PLXNC1: variants seen among roughly 807,000 people sequenced by gnomAD.
PLXNC1 encodes plexin C1, also known as plexin-C1.
A neutral mutation model predicts 178.2 loss-of-function variants in PLXNC1; 75 were observed. The ratio of observed to expected loss-of-function variants is 0.42; its 90% CI spans 0.35 to 0.51. PLXNC1 has a LOEUF of 0.51. PLXNC1 is among the 20% of genes least tolerant of loss of function. The pLI is 0.02. For synonymous variants in PLXNC1, 790 were observed against 779.9 expected (o/e 1.01, Z -0.22); for missense variants, 1,503 against 1,984.4 (o/e 0.76, Z 4.61).
intron 6 of PLXNC1, among the ~76,000 whole-genome samples, chr12:94,221,758 A>G (rs1963802208): frequency 6.6e-6 from 1 of 152,162 alleles, no homozygotes; most frequent in Admixed American, 6.5e-5. Context: ...GACTTCGCAG[A>G]TGGTGCCTTG....
chr12:94,206,252 G>A (rs1377444027), intron 4 of PLXNC1, among the ~76,000 whole-genome samples: 1 of 151,522 alleles, frequency 6.6e-6, no homozygotes, highest in Non-Finnish European at 1.5e-5. Flanking sequence ...GAGTAGGTTT[G>A]GAACTTTTTT....
chr12:94,244,210 A>G (rs546840837), intron 12 of PLXNC1, among the ~76,000 whole-genome samples, 185 bp downstream of exon 12: 1 of 152,316 alleles, frequency 6.6e-6, no homozygotes, highest in Non-Finnish European at 1.5e-5. Flanking sequence ...GTAGCTGAGT[A>G]TTTCTAGTTG....
intron 4 of PLXNC1, among the ~76,000 whole-genome samples, chr12:94,191,214 TG>T: frequency 6.6e-6 from 1 of 152,320 alleles, no homozygotes; most frequent in East Asian, 1.9e-4. Context: ...TCAGACAGCC[TG>T]GGTTCTGGCC....
chr12:94,264,641 C>T (rs1027668372), intron 20 of PLXNC1, among the ~76,000 whole-genome samples: 1 of 152,186 alleles, frequency 6.6e-6, no homozygotes, highest in Non-Finnish European at 1.5e-5. Flanking sequence ...TTACATTTAT[C>T]CTTGTTACTA....
At chr12:94,289,678 T>C (rs1592956844) in intron 23 of PLXNC1, among the ~76,000 whole-genome samples, 1 of 152,310 alleles carries the variant, frequency 6.6e-6, no homozygotes, top group Non-Finnish European at 1.5e-5. Flanking sequence ...TTTCTGTCCT[T>C]ACCTCAGCAG....
chr12:94,202,003 A>G (rs1246714549), intron 4 of PLXNC1, among the ~76,000 whole-genome samples: 2 of 151,758 alleles, frequency 1.3e-5, no homozygotes, highest in African/African-American at 2.4e-5. Flanking sequence ...CCTGGCCTCA[A>G]GTGATCTGGC....
chr12:94,293,407 G>C (rs747608178), intron 23 of PLXNC1, among the ~76,000 whole-genome samples: 1 of 152,198 alleles, frequency 6.6e-6, no homozygotes, highest in African/African-American at 2.4e-5. Context: ...TAATAGAGTA[G>C]TGTCATAGTC....
intron 17 of PLXNC1, 107 bp from the exon 18 acceptor site, chr12:94,259,230 C>A: frequency 1.3e-6 from 1 of 785,334 alleles, no homozygotes; most frequent in Non-Finnish European, 2.1e-6. Flanking sequence ...TTCAGATTAG[C>A]AAATAGTGTC....
chr12:94,222,034 T>C (rs73364695), intron 6 of PLXNC1, among the ~76,000 whole-genome samples: 2,779 of 152,298 alleles, frequency 0.018, 83 homozygotes, highest in African/African-American at 0.063. Context: ...TTAAAAATGC[T>C]CTCAGCCACT....
Position 94,305,249 on chromosome 12 carries a change from CTTATT to C in PLXNC1, c.4673_4677del (p.Leu1558Ter), listed in dbSNP as rs1565878784. The C allele has an allele frequency of 1.2e-6, 2 of 1,611,034 alleles. No individual in the cohort carries two copies. Among genetic ancestry groups the C allele is most frequent in the Non-Finnish European group, 1.7e-6 (2 of 1,177,976 alleles). ...AGAAACAACTCTTGCATGTAAAAGT[CTTATT>C]TGATGAAAAGAAGAAATGCAAGTGG... is the stretch of plus-strand genomic sequence containing the variant. On this transcript the variant is annotated frameshift_variant, in exon 31 of 31. Transcript: ENST00000258526. LOFTEE classifies it high-confidence loss of function.
At chr12:94,266,112 G>A (rs1278657621) in intron 21 of PLXNC1, among the ~76,000 whole-genome samples, 1 of 152,230 alleles carries the variant, frequency 6.6e-6, no homozygotes, top group Non-Finnish European at 1.5e-5. Flanking sequence ...TAAGAGAGCT[G>A]AGTCTTCTGT....
chr12:94,204,624 A>G lies in PLXNC1; in HGVS notation c.1440-4966A>G, dbSNP rs146581635. On this transcript the variant is annotated intron_variant, in intron 4 of 30. Coordinates refer to ENST00000258526, the MANE Select transcript of PLXNC1 (RefSeq NM_005761.3). The stretch of plus-strand genomic sequence containing the variant: ...AAGTTTAGTTTGTCACAGACTTCCT[A>G]TTCTCGTCCATTCAGTAGACTTTGG... 4.8e-3 allele frequency among the ~76,000 whole-genome samples: 735 copies of G among 152,278 alleles called. 5 individuals carry two copies. The highest frequency in any genetic ancestry group is 0.016 in the African/African-American group (673 of 41,558).
intron 23 of PLXNC1, among the ~76,000 whole-genome samples, chr12:94,284,008 G>A (rs1184643234): frequency 5.9e-5 from 9 of 151,690 alleles, no homozygotes; most frequent in East Asian, 1.9e-4. Context: ...GCTTGAACCC[G>A]GGAGGCGGAG....
chr12:94,283,842 G>A (rs909315973), intron 23 of PLXNC1, among the ~76,000 whole-genome samples: 1 of 152,196 alleles, frequency 6.6e-6, no homozygotes, highest in Non-Finnish European at 1.5e-5. Flanking sequence ...CCAGCACTTC[G>A]GGAGGCTGAG....
Position 94,279,577 on chromosome 12 carries a change from G to A in PLXNC1, c.3703G>A (p.Glu1235Lys). The change falls in exon 22 of 31, where the codon GAA (glutamate) becomes AAA (lysine). Residue 1235 changes from glutamate to lysine, a missense_variant. Coordinates refer to ENST00000258526, the MANE Select transcript of PLXNC1 (RefSeq NM_005761.3). ...CTGTGACACCATTGGCCAAGCCAAAGAAAAGATTTTCCAAGCATTCTTAAG... is the reference window on the plus strand; with the variant it reads ...CTGTGACACCATTGGCCAAGCCAAAAAAAAGATTTTCCAAGCATTCTTAAG... ...LDCDTIGQAK[E>K]KIFQAFLSKN... The A allele has an allele frequency of 1.9e-6, 3 of 1,614,214 alleles. No individual in the cohort carries two copies. The highest frequency in any genetic ancestry group is 2.5e-6 in the Non-Finnish European group (3 of 1,180,020).
chr12:94,290,644 T>G (rs73230141), intron 23 of PLXNC1, among the ~76,000 whole-genome samples: 9,407 of 152,356 alleles, frequency 0.062, 353 homozygotes, highest in Admixed American at 0.09. Flanking sequence ...TGTTCCTCCC[T>G]GTGGGTGTAA....
rs188154681 is a variant in PLXNC1 at position 94,215,043 on chromosome 12, C to A, written c.1555-4973C>A. Among the ~76,000 whole-genome samples, 199 of 152,132 alleles carry A rather than the reference C, an allele frequency of 1.3e-3. 2 individuals carry two copies. Among genetic ancestry groups the A allele is most frequent in the Admixed American group, 0.011 (167 of 15,288 alleles). The stretch of plus-strand genomic sequence containing the variant: ...TCCCGAGTAGCTGGGATTACAGGTG[C>A]CCACCACCAAGCCTGGCTAATTTTT... On this transcript the variant is annotated intron_variant, in intron 5 of 30. Transcript: ENST00000258526.
In PLXNC1 at chr12:94,265,140, G is replaced by T; in HGVS notation, c.3512G>T (p.Gly1171Val). The change falls in exon 21 of 31, where the codon GGT becomes GTT. Residue 1171 changes from glycine (G) to valine (V), a missense_variant. Gly to Val is a moderately radical substitution (Grantham distance 109, BLOSUM62 -3). Coordinates refer to ENST00000258526, the MANE Select transcript of PLXNC1 (RefSeq NM_005761.3). The stretch of plus-strand genomic sequence containing the variant: ...ACTCTGAACCAGAAAATTAACAAGG[G>T]TCCCGTGGATGTAATCACTTGCAAA... ...VTTLNQKINK[G>V]PVDVITCKAL... 1 of 1,614,094 alleles carries T rather than the reference G, an allele frequency of 6.2e-7. No individual in the cohort carries two copies. The highest frequency in any genetic ancestry group is 8.5e-7 in the Non-Finnish European group (1 of 1,179,970).
At chr12:94,183,356 C>T (rs1962396359) in intron 3 of PLXNC1, among the ~76,000 whole-genome samples, 2 of 152,226 alleles carry the variant, frequency 1.3e-5, no homozygotes, top group Admixed American at 1.3e-4. Context: ...AGTCCTTCAC[C>T]ATATAGAATC....
Sources: gnomAD v4.1 joint callset for allele counts (sites outside exome capture counted in the v4.1 genomes callset) on GRCh38, gnomAD v4.1.1 for gene constraint, MANE v1.5 for transcripts, NCBI Gene and HGNC (gene_info 2026-07-23, HGNC 2026-07-21) for gene names.